MFAP3: variants seen among roughly 807,000 people sequenced by gnomAD.
MFAP3 encodes the protein microfibril associated protein 3.
A neutral mutation model predicts 20.5 loss-of-function variants in MFAP3; 8 were observed. The ratio of observed to expected loss-of-function variants is 0.39; its 90% CI spans 0.23 to 0.70. The LOEUF is 0.70. MFAP3 is among the 30% of genes least tolerant of loss of function. The pLI, the probability that MFAP3 is intolerant of heterozygous loss-of-function variation, is 0.44. For synonymous variants in MFAP3, 140 were observed against 154.0 expected, an observed-to-expected ratio of 0.91 and a Z score of 0.67; for missense variants, 398 against 444.6, an observed-to-expected ratio of 0.90 and a Z score of 0.94.
Position 154,056,915 on chromosome 5 carries a change from G to A in MFAP3, c.*3202G>A, listed in dbSNP as rs1278768679. 6.6e-5 allele frequency among the ~76,000 whole-genome samples: 10 copies of A among 152,202 alleles called. No individual in the cohort carries two copies. The highest frequency in any genetic ancestry group is 6.5e-4 in the Admixed American group (10 of 15,286). ...TGCTGACCTGGAACGGTTGTGAGAA[G>A]ACTCCTGGCTTCTTTCTTGCCTCAC... On this transcript the variant is annotated 3_prime_UTR_variant, in exon 3 of 3. Transcript: ENST00000522782.
chr5:154,039,881 G>C (rs1194899293), intron 1 of MFAP3, among the ~76,000 whole-genome samples: 1 of 152,148 alleles, frequency 6.6e-6, no homozygotes, highest in Non-Finnish European at 1.5e-5. Context: ...CCAGATAAGA[G>C]TAATTGTCAC....
In MFAP3 at chr5:154,056,073, CATT is replaced by C. The variant is rs757094111; in HGVS notation, c.*2367_*2369del. Among the ~76,000 whole-genome samples the C allele has an allele frequency of 6.6e-6, 1 of 152,110 alleles. No individual in the cohort carries two copies. Among genetic ancestry groups the C allele is most frequent in the African/African-American group, 2.4e-5 (1 of 41,410 alleles). Reference sequence around the variant, plus strand: ...TTACCCCACATGTTCTCATAGGAGACATTATTATTTAGAACCCTAAGGTAGACA... The same window carrying C: ...TTACCCCACATGTTCTCATAGGAGACATTATTTAGAACCCTAAGGTAGACA... On this transcript the variant is annotated 3_prime_UTR_variant, in exon 3 of 3. Transcript: ENST00000522782.
intron 1 of MFAP3, among the ~76,000 whole-genome samples, chr5:154,047,466 A>T (rs79134258): frequency 0.037 from 5,559 of 152,256 alleles, 257 homozygotes; most frequent in African/African-American, 0.1. Flanking sequence ...TGGCAGGTTA[A>T]GAAATGAGGT....
chr5:154,051,739 TTGAGA>T (rs1773195955), intron 2 of MFAP3: 1 of 152,188 alleles, frequency 6.6e-6, no homozygotes, highest in South Asian at 2.1e-4. Flanking sequence ...ACCTATAGGA[TTGAGA>T]TAAGTTTGGA....
At chr5:154,046,382 C>G (rs1057181751) in intron 1 of MFAP3, among the ~76,000 whole-genome samples, 11 of 152,196 alleles carry the variant, frequency 7.2e-5, no homozygotes, top group Admixed American at 1.3e-4. Context: ...CAAATTTAAA[C>G]TAATCTCCAT....
intron 1 of MFAP3, among the ~76,000 whole-genome samples, chr5:154,044,210 A>T (rs1773025529): frequency 6.6e-6 from 1 of 152,214 alleles, no homozygotes; most frequent in South Asian, 2.1e-4. Flanking sequence ...CTGTAGTTTT[A>T]AAGTCATTAG....
chr5:154,050,125 A>C, intron 2 of MFAP3, 108 bp downstream of exon 2: 1 of 1,238,060 alleles, frequency 8.1e-7, no homozygotes, highest in Non-Finnish European at 1.1e-6. Context: ...CAAGGTGAAT[A>C]GTTTAAAACA....
chr5:154,049,947 C>T lies in MFAP3; in HGVS notation c.225C>T (p.Leu75=), dbSNP rs756056668. ...CTAGCGTTTCAATTGAGTGTCTTCT[C>T]ACAGCCAGTCACTATGAAGATGTCC... ...EGTSVSIECL[L]TASHYEDVHW... is the part of the protein sequence containing the mutation. Residue 75 remains leucine (L), a synonymous_variant, in exon 2 of 3, where the codon CTC becomes CTT. Coordinates refer to ENST00000522782, the MANE Select transcript of MFAP3 (RefSeq NM_005927.5). 3 of 1,613,580 alleles carry T rather than the reference C, an allele frequency of 1.9e-6. No individual in the cohort carries two copies. The highest frequency in any genetic ancestry group is 1.1e-5 in the South Asian group (1 of 91,054).
At position 154,056,634 on chromosome 5, in the gene MFAP3, G is replaced by C. The variant is rs1773339318; in HGVS notation, c.*2921G>C. 6.6e-6 allele frequency among the ~76,000 whole-genome samples: 1 copy of C among 152,048 alleles called. No homozygotes were observed. On this transcript the variant is annotated 3_prime_UTR_variant, in exon 3 of 3. Transcript: ENST00000522782. Reference sequence around the variant, plus strand: ...GTATTGTGATATAGTGAACCTTATTGTCCTTATGAAATGGTAGCTTTGTGA... The same window carrying C: ...GTATTGTGATATAGTGAACCTTATTCTCCTTATGAAATGGTAGCTTTGTGA...
At chr5:154,046,511 C>T (rs996320406) in intron 1 of MFAP3, among the ~76,000 whole-genome samples, 1 of 152,080 alleles carries the variant, frequency 6.6e-6, no homozygotes, top group African/African-American at 2.4e-5. Flanking sequence ...CATATACCAG[C>T]GCCAGATGAG....
chr5:154,043,412 G>A (rs861631), intron 1 of MFAP3, among the ~76,000 whole-genome samples: 93,167 of 151,668 alleles, frequency 0.61, 29,129 homozygotes, highest in East Asian at 0.88. Context: ...TTAGCCAGGC[G>A]TGGTGGTGCA....
intron 1 of MFAP3, among the ~76,000 whole-genome samples, chr5:154,042,240 A>G (rs2113554602): frequency 6.6e-6 from 1 of 152,362 alleles, no homozygotes; most frequent in Admixed American, 6.5e-5. Flanking sequence ...TCATAAATCT[A>G]AGCCTGTTTC....
intron 1 of MFAP3, among the ~76,000 whole-genome samples, chr5:154,046,206 C>T (rs752833252): frequency 2.6e-5 from 4 of 152,258 alleles, no homozygotes; most frequent in Admixed American, 1.3e-4. Context: ...GGTTGGGAGT[C>T]GGAAGAATGC....
At chr5:154,052,273 G>A (rs951120464) in intron 2 of MFAP3, among the ~76,000 whole-genome samples, 1 of 151,670 alleles carries the variant, frequency 6.6e-6, no homozygotes, top group Non-Finnish European at 1.5e-5. Context: ...CTGTGCTTCA[G>A]TTACTCTTGC....
rs1406039701 is a variant in MFAP3, at chr5:154,053,237, C to T, written c.613C>T (p.Arg205Cys). The T allele has an allele frequency of 6.2e-7, 1 of 1,613,952 alleles. No individual in the cohort carries two copies. The highest frequency in any genetic ancestry group is 8.5e-7 in the Non-Finnish European group (1 of 1,179,910). ...KLQKAFEIAK[R>C]IPIITSAKTL... is the part of the protein sequence containing the mutation. Reference sequence around the variant, plus strand: ...TCAGAAGGCCTTTGAGATTGCAAAACGTATCCCCATCATTACCTCAGCCAA... The same window carrying T: ...TCAGAAGGCCTTTGAGATTGCAAAATGTATCCCCATCATTACCTCAGCCAA... The change falls in exon 3 of 3, where the codon CGT becomes TGT. Residue 205 changes from arginine to cysteine, a missense_variant. Physicochemically the swap from Arg to Cys is radical, Grantham distance 180. Coordinates refer to ENST00000522782, the MANE Select transcript of MFAP3 (RefSeq NM_005927.5).
chr5:154,046,069 C>G (rs1395324299), intron 1 of MFAP3, among the ~76,000 whole-genome samples: 1 of 152,152 alleles, frequency 6.6e-6, no homozygotes, highest in Non-Finnish European at 1.5e-5. Flanking sequence ...GGGTTGGGAC[C>G]TGGGAATCCA....
At chr5:154,052,271 C>T (rs1773208983) in intron 2 of MFAP3, among the ~76,000 whole-genome samples, 1 of 151,784 alleles carries the variant, frequency 6.6e-6, no homozygotes, top group Non-Finnish European at 1.5e-5. Context: ...GCCTGTGCTT[C>T]AGTTACTCTT....
At chr5:154,047,574 A>T (rs1027619399) in intron 1 of MFAP3, among the ~76,000 whole-genome samples, 1 of 152,176 alleles carries the variant, frequency 6.6e-6, no homozygotes, top group Non-Finnish European at 1.5e-5. Flanking sequence ...TTCAGCAGGC[A>T]GTAGTATCTC....
Position 154,056,260 on chromosome 5 carries a change from A to G in MFAP3, c.*2547A>G, listed in dbSNP as rs1349733034. The stretch of plus-strand genomic sequence containing the variant: ...CAGAGGTGGCCTAATTTGGTGGCCA[A>G]AGTAACTGGTTTACTTTGAGTGTAC... On this transcript the variant is annotated 3_prime_UTR_variant, in exon 3 of 3. Coordinates refer to ENST00000522782, the MANE Select transcript of MFAP3 (RefSeq NM_005927.5). 6.6e-6 allele frequency among the ~76,000 whole-genome samples: 1 copy of G among 152,198 alleles called. No homozygotes were observed. The highest frequency in any genetic ancestry group is 2.4e-5 in the African/African-American group (1 of 41,446).
Sources: gnomAD v4.1 joint callset for allele counts (sites outside exome capture counted in the v4.1 genomes callset) on GRCh38, gnomAD v4.1.1 for gene constraint, MANE v1.5 for transcripts, NCBI Gene and HGNC (gene_info 2026-07-23, HGNC 2026-07-21) for gene names.